Variants in FYN observed in about 807,000 individuals in gnomAD.
The protein encoded by FYN is FYN proto-oncogene, Src family tyrosine kinase, also known as tyrosine-protein kinase Fyn.
In FYN, 10 loss-of-function variants were observed where a neutral mutation model predicts 70.2. The ratio of observed to expected loss-of-function variants is 0.14; its 90% confidence interval spans 0.09 to 0.24. The LOEUF is 0.24. FYN is among the 10% of genes least tolerant of loss of function. The pLI is 1.00. For synonymous variants in FYN, 236 were observed against 248.6 expected, an observed-to-expected ratio of 0.95 and a Z score of 0.48; for missense variants, 319 against 673.1, an observed-to-expected ratio of 0.47 and a Z score of 5.82.
rs867545162 is a variant in FYN at position 111,758,335 on chromosome 6, G to A, written c.-12+22231C>T. On this transcript the variant is annotated intron_variant, in intron 3 of 13. Coordinates refer to ENST00000354650, the MANE Select transcript of FYN (RefSeq NM_002037.5). The stretch of plus-strand genomic sequence containing the variant: ...ACATTCCTAAATTTGCACCGGGAAA[G>A]GACATTCAACAAAATACTAATGATG... Among the ~76,000 whole-genome samples the A allele has an allele frequency of 5.3e-5, 8 of 152,288 alleles. 1 individual carries two copies. The South Asian group carries it at 1.5e-3, about 28-fold the overall frequency.
intron 12 of FYN, among the ~76,000 whole-genome samples, chr6:111,692,064 C>G (rs537235449): frequency 6.6e-6 from 1 of 151,788 alleles, no homozygotes. Flanking sequence ...TTTTATTCTC[C>G]TGGGACATCC....
At chr6:111,764,834 A>G (rs1803164110) in intron 3 of FYN, among the ~76,000 whole-genome samples, 1 of 152,182 alleles carries the variant, frequency 6.6e-6, no homozygotes, top group Non-Finnish European at 1.5e-5. Flanking sequence ...TTAAAAAACA[A>G]AATGTCACCC....
chr6:111,833,748 A>G (rs1773094574), intron 2 of FYN, among the ~76,000 whole-genome samples: 1 of 152,136 alleles, frequency 6.6e-6, no homozygotes, highest in Admixed American at 6.5e-5. Context: ...AAGTGGTACA[A>G]CCACTTTGGA....
chr6:111,694,290 G>A lies in FYN; in HGVS notation c.1273+85C>T. 2 of 1,505,038 alleles carry A rather than the reference G, an allele frequency of 1.3e-6. No homozygotes were observed. The highest frequency in any genetic ancestry group is 1.2e-5 in the South Asian group (1 of 82,778). 93.2% of individuals were successfully genotyped at this position (1,505,038 alleles called of 1,614,324 possible). A position where few individuals can be genotyped will look rare whatever the true frequency, so the allele number is the denominator to read the frequency against. Reference sequence around the variant, plus strand: ...CATTTCAAGTATTTTCTGAAGGAAGGGAAGGGAAGGAGGAAGGAAGGGCTG... The same window carrying A: ...CATTTCAAGTATTTTCTGAAGGAAGAGAAGGGAAGGAGGAAGGAAGGGCTG... On this transcript the variant is annotated intron_variant, in intron 12 of 13. Coordinates refer to ENST00000354650, the MANE Select transcript of FYN (RefSeq NM_002037.5). This position sits in a 1 kb window ranked among gnomAD's most constrained non-coding sequence, Gnocchi z 5.0.
intron 1 of FYN, among the ~76,000 whole-genome samples, chr6:111,855,812 T>C (rs974669731): frequency 1.3e-5 from 2 of 152,186 alleles, no homozygotes; most frequent in African/African-American, 4.8e-5. Flanking sequence ...CCAACTGCAG[T>C]TATTGAAAAT....
chr6:111,867,529 A>G (rs1224229976), intron 1 of FYN, among the ~76,000 whole-genome samples: 2 of 150,220 alleles, frequency 1.3e-5, no homozygotes, highest in Non-Finnish European at 3.0e-5. Context: ...TTACCTGCCT[A>G]TGAGCTACTA....
chr6:111,832,274 G>C (rs1379125638), intron 2 of FYN, among the ~76,000 whole-genome samples: 1 of 152,178 alleles, frequency 6.6e-6, no homozygotes, highest in East Asian at 1.9e-4. Context: ...TTCATTCCTA[G>C]ATATTTCATA....
chr6:111,762,923 T>C (rs72942160), intron 3 of FYN, among the ~76,000 whole-genome samples: 3,472 of 152,334 alleles, frequency 0.023, 74 homozygotes, highest in African/African-American at 0.05. Flanking sequence ...AGGTCTCTTC[T>C]GTGACTCTGA....
At chr6:111,846,280 T>C (rs1227112989) in intron 2 of FYN, among the ~76,000 whole-genome samples, 1 of 152,084 alleles carries the variant, frequency 6.6e-6, no homozygotes, top group Non-Finnish European at 1.5e-5. Context: ...TCCTCAGCCA[T>C]GGGACAGCTG....
intron 1 of FYN, among the ~76,000 whole-genome samples, chr6:111,868,448 C>T (rs541507049): frequency 5.6e-4 from 86 of 152,298 alleles, no homozygotes; most frequent in Non-Finnish European, 1.1e-3. Context: ...CCAGTATCGA[C>T]ATGCCTTGCT....
intron 3 of FYN, among the ~76,000 whole-genome samples, chr6:111,744,865 A>G (rs1320780537): frequency 6.6e-6 from 1 of 152,146 alleles, no homozygotes; most frequent in Non-Finnish European, 1.5e-5. Context: ...GTAAGTTTTC[A>G]TTTTTTCTCT....
chr6:111,823,998 C>A (rs1289226130), intron 2 of FYN, among the ~76,000 whole-genome samples: 1 of 152,138 alleles, frequency 6.6e-6, no homozygotes, highest in Non-Finnish European at 1.5e-5. Context: ...GCAAGGAGTA[C>A]ATAAAGTCAT....
chr6:111,745,150 C>T (rs942264560), intron 3 of FYN, among the ~76,000 whole-genome samples: 2 of 152,156 alleles, frequency 1.3e-5, no homozygotes, highest in Non-Finnish European at 2.9e-5. Flanking sequence ...ATCCATCCAC[C>T]TACCCACCCA....
intron 2 of FYN, among the ~76,000 whole-genome samples, chr6:111,788,597 A>C (rs943839624): frequency 1.3e-5 from 2 of 152,354 alleles, no homozygotes; most frequent in African/African-American, 4.8e-5. Flanking sequence ...GTGCAACATG[A>C]GGTACAAGCT....
chr6:111,803,238 TGCCCTTC>T (rs1359022428), intron 2 of FYN, among the ~76,000 whole-genome samples: 4 of 152,374 alleles, frequency 2.6e-5, no homozygotes, highest in African/African-American at 9.6e-5. Context: ...CAAATCACTC[TGCCCTTC>T]AGGGGCACTC....
chr6:111,833,145 C>T (rs1445364941), intron 2 of FYN, among the ~76,000 whole-genome samples: 12 of 151,106 alleles, frequency 7.9e-5, no homozygotes, highest in African/African-American at 3.0e-4. Context: ...AGGGACTATT[C>T]CTATTTCACA....
chr6:111,745,206 C>A (rs561136850), intron 3 of FYN, among the ~76,000 whole-genome samples: 3 of 152,300 alleles, frequency 2.0e-5, no homozygotes, highest in African/African-American at 7.2e-5. Context: ...AAGCAGTGTG[C>A]ACAAAATACA....
At chr6:111,841,974 G>T (rs989535014) in intron 2 of FYN, among the ~76,000 whole-genome samples, 2 of 147,532 alleles carry the variant, frequency 1.4e-5, no homozygotes, top group African/African-American at 2.6e-5. Context: ...TTCTAAGCAT[G>T]TCCCTTCCTC....
At position 111,674,901 on chromosome 6, in the gene FYN, T is replaced by C. The variant is rs141736807; in HGVS notation, c.1274-271A>G. On this transcript the variant is annotated intron_variant, in intron 12 of 13. Coordinates refer to ENST00000354650, the MANE Select transcript of FYN (RefSeq NM_002037.5). ...TCTTATGATTTAGGAAAATTATATATATATTTAACTTTGAAATAATGCTAT... is the reference window on the plus strand; with the variant it reads ...TCTTATGATTTAGGAAAATTATATACATATTTAACTTTGAAATAATGCTAT... Among the ~76,000 whole-genome samples the C allele has an allele frequency of 4.5e-3, 688 of 152,224 alleles. 6 individuals carry two copies. The highest frequency in any genetic ancestry group is 0.016 in the African/African-American group (659 of 41,498).
Sources: gnomAD v4.1 joint callset for allele counts (sites outside exome capture counted in the v4.1 genomes callset) on GRCh38, gnomAD v4.1.1 for gene constraint, Gnocchi (gnomAD v3.1) non-coding constraint, MANE v1.5 for transcripts, NCBI Gene and HGNC (gene_info 2026-07-23, HGNC 2026-07-21) for gene names.